Variants in C2orf78 observed in about 807,000 individuals in gnomAD.
C2orf78 encodes uncharacterized protein C2orf78.
A neutral mutation model predicts 21.4 loss-of-function variants in C2orf78; 12 were observed. The ratio of observed to expected loss-of-function variants is 0.56; its 90% CI spans 0.36 to 0.91. C2orf78 has a LOEUF of 0.91. C2orf78 is among the 40% of genes least tolerant of loss of function. The pLI is 0.01. For missense variants in C2orf78, 1,042 were observed against 1,092.4 expected, an observed-to-expected ratio of 0.95 and a Z score of 0.65; for synonymous variants, 396 against 413.9, an observed-to-expected ratio of 0.96 and a Z score of 0.52.
chr2:73,813,593 G>C, exon 2 of C2orf78: 1 of 1,614,036 alleles, frequency 6.2e-7, no homozygotes, highest in Non-Finnish European at 8.5e-7. Context: ...CAGAGCCTCT[G>C]CTCCAGCCAT....
exon 3 of C2orf78, chr2:73,816,019 A>G (rs761059188): frequency 1.2e-6 from 2 of 1,614,020 alleles, no homozygotes; most frequent in Admixed American, 3.3e-5. Context: ...GTAGAAGAGA[A>G]GCAAACCATT....
At chr2:73,810,600 AAT>A (rs1218849376) in intron 1 of C2orf78, among the ~76,000 whole-genome samples, 9 of 138,618 alleles carry the variant, frequency 6.5e-5, no homozygotes, top group Non-Finnish European at 9.2e-5. Context: ...ATATACATAA[AAT>A]ATATATATTT....
chr2:73,786,015 C>T (rs1672921116), intron 1 of C2orf78, among the ~76,000 whole-genome samples: 1 of 151,636 alleles, frequency 6.6e-6, no homozygotes, highest in African/African-American at 2.4e-5. Flanking sequence ...CATTGCACTC[C>T]AGCCTGGGCA....
intron 1 of C2orf78, among the ~76,000 whole-genome samples, chr2:73,785,774 C>T (rs1220121990): frequency 5.3e-5 from 8 of 151,980 alleles, no homozygotes; most frequent in Admixed American, 1.3e-4. Context: ...AGGCCAGGCT[C>T]GGTGGCTTAC....
chr2:73,812,163 A>G (rs1204413976), intron 1 of C2orf78, among the ~76,000 whole-genome samples: 1 of 152,104 alleles, frequency 6.6e-6, no homozygotes, highest in African/African-American at 2.4e-5. Context: ...TCATTCTATT[A>G]TGGGCTGTTT....
chr2:73,812,923 A>G (rs1318629025), intron 1 of C2orf78, among the ~76,000 whole-genome samples: 2 of 152,200 alleles, frequency 1.3e-5, no homozygotes, highest in Non-Finnish European at 2.9e-5. Context: ...GCTGTACTAT[A>G]TTCTAGTAGA....
rs974318198 is a variant in C2orf78 at position 73,808,272 on chromosome 2, T to C, written c.98-5205T>C. The stretch of plus-strand genomic sequence containing the variant: ...CCATCTCACAAAAAATTCAATAAAA[T>C]AAAAAAGCAGCAGTAAATTCATTAA... On this transcript the variant is annotated intron_variant, in intron 1 of 2. Transcript: ENST00000409561. Among the ~76,000 whole-genome samples the C allele has an allele frequency of 2.7e-5, 4 of 150,780 alleles. 1 individual carries two copies. The highest frequency in any genetic ancestry group is 9.9e-5 in the African/African-American group (4 of 40,240).
intron 1 of C2orf78, chr2:73,808,683 C>T: frequency 6.8e-7 from 1 of 1,463,192 alleles, no homozygotes. Flanking sequence ...ACATCATTCT[C>T]CCACCAAACC....
chr2:73,785,770 G>A (rs755276821), intron 1 of C2orf78, among the ~76,000 whole-genome samples: 1 of 152,050 alleles, frequency 6.6e-6, no homozygotes, highest in Non-Finnish European at 1.5e-5. Context: ...TTAGAGGCCA[G>A]GCTCGGTGGC....
At chr2:73,815,936 A>C (rs1673185105) in exon 3 of C2orf78, 1 of 1,613,754 alleles carries the variant, frequency 6.2e-7, no homozygotes. Flanking sequence ...ATGGGCAGGA[A>C]AAGACCAAAG....
At chr2:73,816,113 G>A (rs1673190529) in exon 3 of C2orf78, 9 of 1,613,934 alleles carry the variant, frequency 5.6e-6, no homozygotes, top group Non-Finnish European at 7.6e-6. Flanking sequence ...GCATGCACAT[G>A]CTAGAGTCCG....
chr2:73,808,070 G>A (rs1335358884), intron 1 of C2orf78, among the ~76,000 whole-genome samples: 3 of 150,994 alleles, frequency 2.0e-5, no homozygotes, highest in African/African-American at 7.4e-5. Flanking sequence ...CTGGCTAACA[G>A]GGTGAAACCC....
exon 3 of C2orf78, chr2:73,816,327 T>A: frequency 6.2e-7 from 1 of 1,613,162 alleles, no homozygotes; most frequent in South Asian, 1.1e-5. Flanking sequence ...TGAAAAAGAG[T>A]GTACATCTCC....
exon 2 of C2orf78, chr2:73,813,508 T>C (rs768393629): frequency 7.0e-5 from 113 of 1,610,610 alleles, no homozygotes; most frequent in Non-Finnish European, 9.3e-5. Flanking sequence ...TACCTGGAAC[T>C]GCAAATTCTC....
chr2:73,792,501 G>C (rs1245046785), intron 1 of C2orf78, among the ~76,000 whole-genome samples: 1 of 146,166 alleles, frequency 6.8e-6, no homozygotes, highest in African/African-American at 2.7e-5. Flanking sequence ...AAAAAAAAAA[G>C]AATTGTCTAT....
At chr2:73,812,127 T>C (rs555028127) in intron 1 of C2orf78, among the ~76,000 whole-genome samples, 1 of 152,300 alleles carries the variant, frequency 6.6e-6, no homozygotes, top group East Asian at 1.9e-4. Flanking sequence ...AATTTCTCTG[T>C]CTATATATGC....
exon 3 of C2orf78, chr2:73,817,087 A>G (rs1673220316): frequency 7.6e-7 from 1 of 1,315,194 alleles, no homozygotes. Flanking sequence ...TTTAAAACAT[A>G]ATAAAGAAAT....
intron 1 of C2orf78, among the ~76,000 whole-genome samples, chr2:73,810,519 C>T (rs1328078714): frequency 7.5e-6 from 1 of 133,414 alleles, no homozygotes; most frequent in Non-Finnish European, 1.6e-5. Flanking sequence ...AAGAGCGAAA[C>T]TCTGTCTCAA....
In C2orf78 at chr2:73,813,499, A is replaced by T. The variant is rs143652281; in HGVS notation, c.120A>T (p.Leu40Phe). The stretch of plus-strand genomic sequence containing the variant: ...CAGAATATTTCCAAAATACGTCTTT[A>T]CCTGGAACTGCAAATTCTCGGCAGT... Residue 40 changes from leucine (L) to phenylalanine (F), a missense_variant, in exon 2 of 3, where the codon TTA (leucine) becomes TTT (phenylalanine). Coordinates refer to ENST00000409561, the Ensembl canonical transcript of C2orf78. 1.3e-5 allele frequency: 21 copies of T among 1,608,912 alleles called. No homozygotes were observed. The East Asian group carries it at 4.5e-4, about 34-fold the overall frequency.
Sources: allele counts gnomAD v4.1 joint callset (sites outside exome capture counted in the v4.1 genomes callset), GRCh38; gene constraint gnomAD v4.1.1; transcripts MANE v1.5; gene names NCBI Gene and HGNC (gene_info 2026-07-23, HGNC 2026-07-21).